Variants in ZSWIM6 observed in about 807,000 individuals in gnomAD.
ZSWIM6 encodes zinc finger SWIM domain-containing protein 6.
A neutral mutation model predicts 113.2 loss-of-function variants in ZSWIM6; 9 were observed. That is an observed-to-expected ratio of 0.08 (90% CI 0.05 to 0.14). The LOEUF (loss-of-function observed/expected upper bound fraction) is 0.14, where lower values mean the gene tolerates loss of function less well. Ranked by LOEUF, ZSWIM6 falls within the 10% of genes least tolerant of loss-of-function variation. The probability of loss-of-function intolerance (pLI) is 1.00; values close to 1 mark genes in which losing one functional copy is unlikely to be tolerated. For missense variants in ZSWIM6, 1,162 were observed against 1,552.2 expected (o/e 0.75, Z 4.22); for synonymous variants, 611 against 606.5 (o/e 1.01, Z -0.11).
chr5:61,485,797 G>A (rs955840529), intron 2 of ZSWIM6, among the ~76,000 whole-genome samples: 4 of 151,924 alleles, frequency 2.6e-5, no homozygotes, highest in African/African-American at 4.8e-5. Flanking sequence ...TTTTAGATAC[G>A]TAAATATATT....
At chr5:61,507,979 T>C (rs1458755138) in intron 4 of ZSWIM6, among the ~76,000 whole-genome samples, 3 of 152,132 alleles carry the variant, frequency 2.0e-5, no homozygotes, top group Non-Finnish European at 4.4e-5. Flanking sequence ...ACCATAGTGT[T>C]TAAGAATATT....
At position 61,543,119 on chromosome 5, in the gene ZSWIM6, C is replaced by G. The variant is rs1225995645; in HGVS notation, c.2786-336C>G. ...TTTGGTGAGGTTGCAATTTTTGAGC[C>G]TCAAATTCTGACAGGAAGCCCCAGT... On this transcript the variant is annotated intron_variant, in intron 13 of 13. Transcript: ENST00000252744. This position sits in a 1 kb window ranked among gnomAD's most constrained non-coding sequence, Gnocchi z 4.3. 6.6e-6 allele frequency among the ~76,000 whole-genome samples: 1 copy of G among 152,132 alleles called. No homozygotes were observed. Among genetic ancestry groups the G allele is most frequent in the Non-Finnish European group, 1.5e-5 (1 of 68,024 alleles).
chr5:61,445,358 A>G (rs1382927671), intron 1 of ZSWIM6, among the ~76,000 whole-genome samples: 1 of 152,202 alleles, frequency 6.6e-6, no homozygotes, highest in African/African-American at 2.4e-5. Flanking sequence ...GAGCATCATC[A>G]TACATCTCCA....
chr5:61,397,712 T>C (rs1745870732), intron 1 of ZSWIM6, among the ~76,000 whole-genome samples: 1 of 152,212 alleles, frequency 6.6e-6, no homozygotes, highest in Non-Finnish European at 1.5e-5. Context: ...ACCTAAATTT[T>C]GAATTAAATC....
chr5:61,387,676 G>T (rs931731029), intron 1 of ZSWIM6, among the ~76,000 whole-genome samples: 1 of 152,120 alleles, frequency 6.6e-6, no homozygotes, highest in African/African-American at 2.4e-5. Context: ...GGAGGCCGAG[G>T]CGGGCAGATC....
chr5:61,511,437 A>T (rs547475637), intron 4 of ZSWIM6, among the ~76,000 whole-genome samples: 2 of 152,240 alleles, frequency 1.3e-5, no homozygotes, highest in East Asian at 3.9e-4. Flanking sequence ...TAGTTTTCTT[A>T]TCGCTATGGT....
intron 1 of ZSWIM6, among the ~76,000 whole-genome samples, chr5:61,393,518 A>G (rs1745774248): frequency 6.6e-6 from 1 of 152,166 alleles, no homozygotes; most frequent in Non-Finnish European, 1.5e-5. Flanking sequence ...GAATATATTG[A>G]GAAATGTTTA....
At chr5:61,436,151 A>G (rs1036104526) in intron 1 of ZSWIM6, among the ~76,000 whole-genome samples, 18 of 151,250 alleles carry the variant, frequency 1.2e-4, no homozygotes, top group African/African-American at 4.4e-4. Flanking sequence ...CAGTGAGCCG[A>G]GATTGCGCCA....
In ZSWIM6 at chr5:61,361,110, C is replaced by T. The variant is rs1579952900; in HGVS notation, c.676+28162C>T. 2.6e-5 allele frequency among the ~76,000 whole-genome samples: 4 copies of T among 151,926 alleles called. 1 individual carries two copies. In the South Asian group the frequency reaches 8.3e-4, roughly 32 times the overall value. On this transcript the variant is annotated intron_variant, in intron 1 of 13. Transcript: ENST00000252744. The stretch of plus-strand genomic sequence containing the variant: ...AGTCACAGAGGAGTGGGAGTAGGTC[C>T]CAATGTGGACTTTTCCCTGGGCTGA...
chr5:61,516,443 C>CATAT (rs368539108), intron 4 of ZSWIM6, among the ~76,000 whole-genome samples: 60 of 140,912 alleles, frequency 4.3e-4, no homozygotes, highest in East Asian at 4.1e-3. Context: ...CAAAAATATA[C>CATAT]ATATATATAT....
intron 1 of ZSWIM6, among the ~76,000 whole-genome samples, chr5:61,384,668 T>C (rs925554006): frequency 1.3e-5 from 2 of 152,170 alleles, no homozygotes; most frequent in African/African-American, 4.8e-5. Flanking sequence ...ATTAGAACTT[T>C]TGTGTCCCCC....
At chr5:61,358,571 T>C (rs1453517649) in intron 1 of ZSWIM6, among the ~76,000 whole-genome samples, 3 of 152,390 alleles carry the variant, frequency 2.0e-5, no homozygotes, top group African/African-American at 4.8e-5. Context: ...AGTCGTCTTA[T>C]ATTTAAAAGT....
At chr5:61,426,232 G>A (rs1476136552) in intron 1 of ZSWIM6, among the ~76,000 whole-genome samples, 1 of 152,094 alleles carries the variant, frequency 6.6e-6, no homozygotes, top group East Asian at 1.9e-4. Flanking sequence ...CAAATTAAAT[G>A]GCAGAATACT....
intron 1 of ZSWIM6, among the ~76,000 whole-genome samples, chr5:61,384,008 G>A (rs1745540869): frequency 6.6e-6 from 1 of 150,638 alleles, no homozygotes; most frequent in Non-Finnish European, 1.5e-5. Context: ...TTGGGAGGCC[G>A]AGGCAGGTGG....
chr5:61,421,769 TGGCC>T (rs1201713595), intron 1 of ZSWIM6, among the ~76,000 whole-genome samples: 1 of 152,254 alleles, frequency 6.6e-6, no homozygotes, highest in Non-Finnish European at 1.5e-5. Flanking sequence ...CTAAGAATAG[TGGCC>T]TGTAAGTCCA....
chr5:61,454,340 C>T (rs74825745), intron 1 of ZSWIM6, among the ~76,000 whole-genome samples: 3,934 of 151,726 alleles, frequency 0.026, 171 homozygotes, highest in South Asian at 0.18. Context: ...ACTGCAGCCT[C>T]AATCTCCTAG....
intron 1 of ZSWIM6, among the ~76,000 whole-genome samples, chr5:61,428,255 T>G (rs375482618): frequency 1.4e-4 from 22 of 152,174 alleles, no homozygotes; most frequent in South Asian, 2.1e-4. Flanking sequence ...GAAAACACAG[T>G]CATGAATACT....
rs559837366 is a variant in ZSWIM6 at position 61,458,351 on chromosome 5, T to C, written c.677-14330T>C. 4.5e-4 allele frequency among the ~76,000 whole-genome samples: 69 copies of C among 152,300 alleles called. 1 individual carries two copies. In the South Asian group the frequency reaches 0.011, roughly 24 times the overall value. On this transcript the variant is annotated intron_variant, in intron 1 of 13. Coordinates refer to ENST00000252744, the MANE Select transcript of ZSWIM6 (RefSeq NM_020928.2). ...TTGACTTACTTAGAATCTAAAAATT[T>C]TACAGTTTGAGAATCTATGAGGAGA...
intron 2 of ZSWIM6, among the ~76,000 whole-genome samples, chr5:61,484,497 TTAAAAA>T (rs1747962888): frequency 6.6e-6 from 1 of 152,166 alleles, no homozygotes; most frequent in South Asian, 2.1e-4. Flanking sequence ...TGGGAAGAAT[TTAAAAA>T]TAAAAGTCAA....
Sources: allele counts gnomAD v4.1 joint callset (sites outside exome capture counted in the v4.1 genomes callset), GRCh38; gene constraint gnomAD v4.1.1; non-coding constraint Gnocchi (gnomAD v3.1); transcripts MANE v1.5; gene names NCBI Gene and HGNC (gene_info 2026-07-23, HGNC 2026-07-21).